The following HNRNPR variants were observed in gnomAD, a reference collection of about 807,000 sequenced individuals.
HNRNPR encodes heterogeneous nuclear ribonucleoprotein R.
HNRNPR carries 4 observed loss-of-function variants against 70.3 expected under a neutral mutation model. The observed-to-expected ratio is 0.06, with a 90% CI of 0.03 to 0.13. The LOEUF (loss-of-function observed/expected upper bound fraction) is 0.13. HNRNPR is among the 10% of genes least tolerant of loss of function. The pLI is 1.00. For synonymous variants in HNRNPR, 241 were observed against 267.6 expected (o/e 0.90, Z 0.97); for missense variants, 423 against 788.5 (o/e 0.54, Z 5.55).
chr1:23,316,383 T>C (rs1174435424), intron 8 of HNRNPR, among the ~76,000 whole-genome samples: 1 of 152,182 alleles, frequency 6.6e-6, no homozygotes, highest in Non-Finnish European at 1.5e-5. Context: ...CTTTTCATTC[T>C]GAAACCTGTT....
chr1:23,319,515 A>C (rs1180913247), intron 7 of HNRNPR, among the ~76,000 whole-genome samples: 1 of 152,006 alleles, frequency 6.6e-6, no homozygotes, highest in African/African-American at 2.4e-5. Flanking sequence ...CACTGCTATT[A>C]CCCTAGTCTA....
chr1:23,322,474 G>A (rs1007381082), intron 6 of HNRNPR, among the ~76,000 whole-genome samples: 1 of 152,178 alleles, frequency 6.6e-6, no homozygotes, highest in Non-Finnish European at 1.5e-5. Context: ...GACCTCAGGT[G>A]ATCTGCCTGC....
intron 1 of HNRNPR, among the ~76,000 whole-genome samples, chr1:23,341,886 C>G (rs1646715467): frequency 1.3e-5 from 2 of 152,144 alleles, no homozygotes; most frequent in South Asian, 4.1e-4. Context: ...TTTGTACATT[C>G]AGCCTGTAGG....
chr1:23,341,455 A>C (rs1179108855), intron 1 of HNRNPR, among the ~76,000 whole-genome samples: 2 of 152,164 alleles, frequency 1.3e-5, no homozygotes, highest in African/African-American at 2.4e-5. Flanking sequence ...AGGACTTTCA[A>C]ATTTTCCTGG....
At chr1:23,329,280 G>A (rs1270636047) in intron 5 of HNRNPR, among the ~76,000 whole-genome samples, 1 of 152,084 alleles carries the variant, frequency 6.6e-6, no homozygotes, top group Non-Finnish European at 1.5e-5. Flanking sequence ...TTTAACTTAG[G>A]ACCTAAAAAG....
intron 4 of HNRNPR, among the ~76,000 whole-genome samples, chr1:23,337,185 T>C (rs564293441): frequency 5.3e-5 from 8 of 152,244 alleles, no homozygotes; most frequent in African/African-American, 1.9e-4. Context: ...ACTGGATCAA[T>C]CCAAGAAACT....
At chr1:23,340,795 C>T (rs914711021) in intron 2 of HNRNPR, 57 bp downstream of exon 2, 5 of 1,346,752 alleles carry the variant, frequency 3.7e-6, no homozygotes, top group Admixed American at 4.5e-5. Flanking sequence ...CTATAAAATT[C>T]AAAGTGGTTT....
intron 2 of HNRNPR, among the ~76,000 whole-genome samples, chr1:23,339,227 G>C (rs777531866): frequency 1.3e-5 from 2 of 152,356 alleles, no homozygotes; most frequent in South Asian, 2.1e-4. Context: ...TTCTACAAAT[G>C]CAAGTGCAGC....
chr1:23,328,921 C>T (rs1399127164), intron 5 of HNRNPR, among the ~76,000 whole-genome samples: 1 of 152,070 alleles, frequency 6.6e-6, no homozygotes, highest in East Asian at 1.9e-4. Flanking sequence ...GAGTTTGAGA[C>T]CAGGCTGAGC....
intron 6 of HNRNPR, among the ~76,000 whole-genome samples, chr1:23,322,860 C>T (rs1040551917): frequency 1.3e-5 from 2 of 152,140 alleles, no homozygotes; most frequent in Non-Finnish European, 2.9e-5. Flanking sequence ...ACTGAGATAG[C>T]TGTGTCTTAA....
intron 5 of HNRNPR, 36 bp downstream of exon 5, chr1:23,333,482 T>C (rs1331298447): frequency 1.5e-5 from 20 of 1,343,858 alleles, no homozygotes; most frequent in African/African-American, 2.9e-5. Flanking sequence ...CTTTCCAAAC[T>C]GGAAAGATCT....
chr1:23,331,834 T>TTAAAAAAAAAAA (rs1404013850), intron 5 of HNRNPR, among the ~76,000 whole-genome samples: 2 of 59,242 alleles, frequency 3.4e-5, no homozygotes, highest in South Asian at 1.4e-3. Context: ...ACTGTTTCTT[T>TTAAAAAAAAAAA]AAAAAAAAAA....
Position 23,308,283 on chromosome 1 carries a change from T to A in HNRNPR, c.*2171A>T, listed in dbSNP as rs1645235498. 1 of 152,044 alleles carries A rather than the reference T, an allele frequency of 6.6e-6. No individual in the cohort carries two copies. The allele number at this position is 152,044 out of a possible 1,614,324, so 9.4% of individuals were successfully genotyped here. ...ATGGAACCCAAGTTTTAATCTTATG[T>A]TTTTGCGAGGGTTTGTTTTCTCAGA... is the stretch of plus-strand genomic sequence containing the variant. On this transcript the variant is annotated 3_prime_UTR_variant, in exon 11 of 11. Coordinates refer to ENST00000302271, the MANE Select transcript of HNRNPR (RefSeq NM_005826.5).
intron 3 of HNRNPR, 21 bp from the exon 4 acceptor site, chr1:23,337,882 A>G: frequency 7.1e-7 from 1 of 1,417,004 alleles, no homozygotes; most frequent in East Asian, 2.3e-5. Context: ...CAAGTAATTC[A>G]ATAAAAAGAA....
intron 8 of HNRNPR, among the ~76,000 whole-genome samples, chr1:23,317,308 A>G (rs1258969985): frequency 6.6e-6 from 1 of 152,060 alleles, no homozygotes; most frequent in Non-Finnish European, 1.5e-5. Context: ...AATACAAAAA[A>G]TTAGCCAGCT....
intron 8 of HNRNPR, among the ~76,000 whole-genome samples, chr1:23,316,071 C>T (rs1645532284): frequency 6.6e-6 from 1 of 152,066 alleles, no homozygotes; most frequent in South Asian, 2.1e-4. Flanking sequence ...ACTGACCCAA[C>T]TTGGCAAAAA....
intron 1 of HNRNPR, among the ~76,000 whole-genome samples, chr1:23,343,834 G>C (rs1382302178): frequency 6.6e-6 from 1 of 152,178 alleles, no homozygotes; most frequent in Non-Finnish European, 1.5e-5. Flanking sequence ...GGCCGCGGCG[G>C]GAGCGAAGCG....
intron 8 of HNRNPR, among the ~76,000 whole-genome samples, chr1:23,316,814 G>C (rs1234889712): frequency 6.6e-6 from 1 of 152,098 alleles, no homozygotes; most frequent in Non-Finnish European, 1.5e-5. Flanking sequence ...TAAAAACTCA[G>C]AGCTATTTAA....
Position 23,340,899 on chromosome 1 carries a change from C to A in HNRNPR, c.110G>T (p.Gly37Val). 1 of 1,612,704 alleles carries A rather than the reference C, an allele frequency of 6.2e-7. No homozygotes were observed. The highest frequency in any genetic ancestry group is 8.5e-7 in the Non-Finnish European group (1 of 1,179,300). The change falls in exon 2 of 11, where the codon GGC becomes GTC. Residue 37 changes from glycine to valine, a missense_variant. By Grantham distance (109) the Gly-to-Val change is moderately radical (BLOSUM62 -3). Coordinates refer to ENST00000302271, the MANE Select transcript of HNRNPR (RefSeq NM_005826.5). Reference sequence around the variant, plus strand: ...TCTTTCTGCCACCTTCTGTGGGAGGCCTGCCTCTATCAGTGTCTTGTAGTG... The same window carrying A: ...TCTTTCTGCCACCTTCTGTGGGAGGACTGCCTCTATCAGTGTCTTGTAGTG... ...TEHYKTLIEA[G>V]LPQKVAERLD...
Sources: gnomAD v4.1 joint callset for allele counts (sites outside exome capture counted in the v4.1 genomes callset) on GRCh38, gnomAD v4.1.1 for gene constraint, MANE v1.5 for transcripts, NCBI Gene and HGNC (gene_info 2026-07-23, HGNC 2026-07-21) for gene names.